OPRD1: variants seen among roughly 807,000 people sequenced by gnomAD.
The protein encoded by OPRD1 is delta-type opioid receptor.
Under a neutral mutation model 17.5 loss-of-function variants are expected in OPRD1, and 19 were observed. That is an observed-to-expected ratio of 1.09 (90% confidence interval 0.76 to 1.60). The LOEUF is 1.60. Among genes scored for constraint, OPRD1 ranks in the 40% most tolerant of loss-of-function variants. The pLI is 0.00. For missense variants in OPRD1, 483 were observed against 547.2 expected, an observed-to-expected ratio of 0.88 and a Z score of 1.17; for synonymous variants, 256 against 240.9, an observed-to-expected ratio of 1.06 and a Z score of -0.58.
intron 2 of OPRD1, among the ~76,000 whole-genome samples, chr1:28,862,170 G>A (rs1175402798): frequency 6.6e-6 from 1 of 151,814 alleles, no homozygotes; most frequent in Non-Finnish European, 1.5e-5. Context: ...GCCCTCCTCG[G>A]CCTCCCAAAG....
At chr1:28,823,086 G>A (rs927237484) in intron 1 of OPRD1, among the ~76,000 whole-genome samples, 2 of 152,076 alleles carry the variant, frequency 1.3e-5, no homozygotes, top group African/African-American at 4.8e-5. Context: ...GGGGTGTCTG[G>A]GTTGTGTTCT....
rs902475485 is a variant in OPRD1, at chr1:28,863,394, T to C, written c.*111T>C. The C allele has an allele frequency of 4.2e-5, 51 of 1,227,616 alleles. 1 individual carries two copies. The South Asian group carries it at 8.5e-4, about 21-fold the overall frequency. The allele number at this position is 1,227,616 out of a possible 1,614,324, so 76.0% of individuals were successfully genotyped here. A position where few individuals can be genotyped will look rare whatever the true frequency, so the allele number is the denominator to read the frequency against. ...AGTGGGGCAGTAGAAGGTCGGAGGC[T>C]TGGGACCGCCAGATGGGGCCTCTGT... On this transcript the variant is annotated 3_prime_UTR_variant, in exon 3 of 3. Coordinates refer to ENST00000234961, the MANE Select transcript of OPRD1 (RefSeq NM_000911.4).
At chr1:28,856,745 G>C (rs2089061199) in intron 1 of OPRD1, among the ~76,000 whole-genome samples, 1 of 152,258 alleles carries the variant, frequency 6.6e-6, no homozygotes, top group African/African-American at 2.4e-5. Flanking sequence ...CTGTAATGTA[G>C]ATAGCTGTGC....
chr1:28,847,180 T>G (rs1404996876), intron 1 of OPRD1, among the ~76,000 whole-genome samples: 3 of 151,894 alleles, frequency 2.0e-5, no homozygotes, highest in Non-Finnish European at 4.4e-5. Context: ...GCCTCCTGAG[T>G]AGCTGGGATT....
At chr1:28,835,946 G>A (rs933693412) in intron 1 of OPRD1, among the ~76,000 whole-genome samples, 12 of 152,138 alleles carry the variant, frequency 7.9e-5, no homozygotes, top group African/African-American at 2.2e-4. Context: ...GCGGTTGTGC[G>A]GATTCAGTGG....
chr1:28,853,260 A>G (rs1313500867), intron 1 of OPRD1, among the ~76,000 whole-genome samples: 1 of 152,216 alleles, frequency 6.6e-6, no homozygotes, highest in Admixed American at 6.5e-5. Context: ...TTCAGGTGGA[A>G]GTGATGTGTC....
chr1:28,828,196 T>C (rs2088781448), intron 1 of OPRD1, among the ~76,000 whole-genome samples: 1 of 152,228 alleles, frequency 6.6e-6, no homozygotes, highest in Non-Finnish European at 1.5e-5. Flanking sequence ...CCTTGATCCG[T>C]GGGCTACAGA....
intron 1 of OPRD1, among the ~76,000 whole-genome samples, chr1:28,824,859 T>A (rs1231074392): frequency 3.3e-5 from 5 of 151,658 alleles, no homozygotes; most frequent in African/African-American, 9.7e-5. Context: ...TGAGACGGAG[T>A]CTCGCTCTGT....
At chr1:28,861,217 G>A (rs1395433284) in intron 2 of OPRD1, among the ~76,000 whole-genome samples, 1 of 152,168 alleles carries the variant, frequency 6.6e-6, no homozygotes. Context: ...CAAGTCCATC[G>A]TGTGGCTTCT....
At chr1:28,852,120 T>C (rs1198883793) in intron 1 of OPRD1, among the ~76,000 whole-genome samples, 2 of 126,382 alleles carry the variant, frequency 1.6e-5, no homozygotes, top group African/African-American at 3.1e-5. Flanking sequence ...TGAGCCGAGA[T>C]CACGCAACTG....
In OPRD1 at chr1:28,864,268, A is replaced by G. The variant is rs1455024011; in HGVS notation, c.*985A>G. 6.6e-6 allele frequency: 1 copy of G among 152,362 alleles called. No individual in the cohort carries two copies. The highest frequency in any genetic ancestry group is 6.5e-5 in the Admixed American group (1 of 15,280). 9.4% of individuals were successfully genotyped at this position (152,362 alleles called of 1,614,324 possible). A position where few individuals can be genotyped will look rare whatever the true frequency, so the allele number is the denominator to read the frequency against. On this transcript the variant is annotated 3_prime_UTR_variant, in exon 3 of 3. Transcript: ENST00000234961. ...CAGAGTAAGACTCTGTCTCTCAAAA[A>G]GGAGAGAGAGGGAGAATGAGGGAAG...
Position 28,858,993 on chromosome 1 carries a change from C to T in OPRD1, c.267C>T (p.Phe89=), listed in dbSNP as rs1349700399. ...KMKTATNIYI[F]NLALADALAT... ...AGACGGCCACCAACATCTACATCTTCAACCTGGCCTTAGCCGATGCGCTGG... is the reference window on the plus strand; with the variant it reads ...AGACGGCCACCAACATCTACATCTTTAACCTGGCCTTAGCCGATGCGCTGG... The change falls in exon 2 of 3, where the codon TTC becomes TTT. Residue 89 remains phenylalanine, a synonymous_variant. Transcript: ENST00000234961. 2 of 1,613,514 alleles carry T rather than the reference C, an allele frequency of 1.2e-6. No individual in the cohort carries two copies. The highest frequency in any genetic ancestry group is 1.1e-5 in the South Asian group (1 of 91,086).
intron 1 of OPRD1, among the ~76,000 whole-genome samples, chr1:28,822,138 A>G (rs1023987485): frequency 6.6e-6 from 1 of 151,124 alleles, no homozygotes; most frequent in African/African-American, 2.4e-5. Flanking sequence ...TTTAGTAGAG[A>G]TGGGGTTTCT....
At chr1:28,823,479 C>T (rs186382566) in intron 1 of OPRD1, among the ~76,000 whole-genome samples, 5 of 151,524 alleles carry the variant, frequency 3.3e-5, no homozygotes, top group African/African-American at 1.2e-4. Context: ...TCACTGCAAC[C>T]TCCGCCTCCT....
At chr1:28,812,968 C>A (rs1257841385) in intron 1 of OPRD1, among the ~76,000 whole-genome samples, 1 of 152,142 alleles carries the variant, frequency 6.6e-6, no homozygotes, top group African/African-American at 2.4e-5. Flanking sequence ...GTTTGGACGT[C>A]GGAAACATGC....
At position 28,864,302 on chromosome 1, in the gene OPRD1, G is replaced by C. The variant is rs956440042; in HGVS notation, c.*1019G>C. ...AGGGAGAATGAGGGAAGAAGAGATA[G>C]GAAGAGAGAGAAACAGTATACCTTT... On this transcript the variant is annotated 3_prime_UTR_variant, in exon 3 of 3. Coordinates refer to ENST00000234961, the MANE Select transcript of OPRD1 (RefSeq NM_000911.4). The C allele has an allele frequency of 6.6e-6, 1 of 152,212 alleles. No homozygotes were observed. The highest frequency in any genetic ancestry group is 1.5e-5 in the Non-Finnish European group (1 of 68,102). 9.4% of individuals were successfully genotyped at this position (152,212 alleles called of 1,614,324 possible). A position where few individuals can be genotyped will look rare whatever the true frequency, so the allele number is the denominator to read the frequency against.
intron 1 of OPRD1, among the ~76,000 whole-genome samples, chr1:28,847,352 G>A (rs1298027529): frequency 6.6e-6 from 1 of 151,062 alleles, no homozygotes; most frequent in South Asian, 2.2e-4. Flanking sequence ...GCGCCCAGCC[G>A]AGCCTGTTTG....
In OPRD1 at chr1:28,869,896, C is replaced by T. The variant is rs1569668560; in HGVS notation, c.*6613C>T. 6.6e-6 allele frequency: 1 copy of T among 152,222 alleles called. No homozygotes were observed. The highest frequency in any genetic ancestry group is 1.9e-4 in the East Asian group (1 of 5,196). The allele number at this position is 152,222 out of a possible 1,614,324, so 9.4% of individuals were successfully genotyped here. Reference sequence around the variant, plus strand: ...GATCCCTCTCCCCATCCATTTCTTCCTTGCCTTGGAAGTCCTGCTTGTTTG... The same window carrying T: ...GATCCCTCTCCCCATCCATTTCTTCTTTGCCTTGGAAGTCCTGCTTGTTTG... On this transcript the variant is annotated 3_prime_UTR_variant, in exon 3 of 3. Transcript: ENST00000234961.
chr1:28,846,434 A>AAGAGAG (rs5773219), intron 1 of OPRD1, among the ~76,000 whole-genome samples: 1 of 151,532 alleles, frequency 6.6e-6, no homozygotes, highest in Non-Finnish European at 1.5e-5. Flanking sequence ...GGCAGAGAGA[A>AAGAGAG]AGAGAGAGAG....
Sources: allele counts gnomAD v4.1 joint callset (sites outside exome capture counted in the v4.1 genomes callset), GRCh38; gene constraint gnomAD v4.1.1; transcripts MANE v1.5; gene names NCBI Gene and HGNC (gene_info 2026-07-23, HGNC 2026-07-21).